DOCK1: variants seen among roughly 807,000 people sequenced by gnomAD.
DOCK1 encodes the protein dedicator of cytokinesis protein 1.
DOCK1 carries 138 observed loss-of-function variants against 262.7 expected under a neutral mutation model. That is an observed-to-expected ratio of 0.53 (90% CI 0.46 to 0.61). The LOEUF is 0.61. DOCK1 is among the 20% of genes least tolerant of loss of function. The pLI is 0.00. For missense variants in DOCK1, 1,908 were observed against 2,370.7 expected (o/e 0.80, Z 4.05); for synonymous variants, 866 against 867.4 (o/e 1.00, Z 0.03).
At chr10:127,398,822 C>T (rs1437787315) in intron 38 of DOCK1, among the ~76,000 whole-genome samples, 1 of 152,188 alleles carries the variant, frequency 6.6e-6, no homozygotes, top group Non-Finnish European at 1.5e-5. Context: ...TCTTTCCTTT[C>T]ATCTGCTGCT....
At chr10:126,957,045 A>G (rs962740790) in intron 1 of DOCK1, among the ~76,000 whole-genome samples, 1 of 152,102 alleles carries the variant, frequency 6.6e-6, no homozygotes, top group East Asian at 1.9e-4. Context: ...CCGACGGGGG[A>G]AAGCGGGGAA....
intron 50 of DOCK1, 142 bp downstream of exon 50, chr10:127,444,421 T>G: frequency 8.8e-7 from 1 of 1,142,328 alleles, no homozygotes; most frequent in Non-Finnish European, 1.2e-6. Context: ...TCCCTGGGAG[T>G]GTCCCCTGGG....
intron 30 of DOCK1, among the ~76,000 whole-genome samples, chr10:127,341,624 T>C (rs1165860286): frequency 1.3e-5 from 2 of 152,196 alleles, no homozygotes; most frequent in African/African-American, 4.8e-5. Flanking sequence ...GCTGGGTAGA[T>C]TCCCGTGTGT....
chr10:127,244,175 A>G (rs1053531750), intron 27 of DOCK1, among the ~76,000 whole-genome samples: 3 of 151,910 alleles, frequency 2.0e-5, no homozygotes, highest in African/African-American at 4.8e-5. Flanking sequence ...TTTTTCTAGT[A>G]TATGTATCTC....
chr10:126,932,174 T>A (rs1197902119), intron 1 of DOCK1, among the ~76,000 whole-genome samples: 1 of 152,198 alleles, frequency 6.6e-6, no homozygotes, highest in Non-Finnish European at 1.5e-5. Context: ...AGGAACCTCC[T>A]GCAGGCTAAA....
intron 32 of DOCK1, among the ~76,000 whole-genome samples, chr10:127,358,783 GA>G (rs2064268490): frequency 6.6e-6 from 1 of 152,144 alleles, no homozygotes; most frequent in Non-Finnish European, 1.5e-5. Flanking sequence ...ATTTTTCTGG[GA>G]TAAGTCTATG....
rs190104158 is a variant in DOCK1, at chr10:127,444,209, G to A, written c.5343G>A (p.Ser1781=). ...GSERRFSVSP[S]SPSSQQTPPP... ...AAAGGCGCTTCTCGGTGTCCCCCTC[G>A]TCACCGTCCTCCCAGCAAACACCCC... The change falls in exon 50 of 52, where the codon TCG becomes TCA. Residue 1781 remains serine (S), a synonymous_variant. Coordinates refer to ENST00000623213, the MANE Select transcript of DOCK1 (RefSeq NM_001290223.2). The A allele has an allele frequency of 1.7e-4, 273 of 1,610,376 alleles. No homozygotes were observed. In the African/African-American group the frequency reaches 2.5e-3, roughly 15 times the overall value.
intron 27 of DOCK1, among the ~76,000 whole-genome samples, chr10:127,172,095 T>C (rs1305573408): frequency 2.6e-5 from 4 of 152,194 alleles, no homozygotes; most frequent in African/African-American, 4.8e-5. Context: ...TTTCCTGTTT[T>C]CTTTTTTTGT....
At chr10:127,129,589 G>T (rs1447559082) in intron 27 of DOCK1, among the ~76,000 whole-genome samples, 1 of 152,176 alleles carries the variant, frequency 6.6e-6, no homozygotes, top group African/African-American at 2.4e-5. Flanking sequence ...CTGAGGTCTG[G>T]CGTTGACCCC....
intron 29 of DOCK1, among the ~76,000 whole-genome samples, chr10:127,310,010 G>C (rs569541723): frequency 6.6e-6 from 1 of 151,882 alleles, no homozygotes; most frequent in South Asian, 2.1e-4. Context: ...CAAGTAGCTG[G>C]GACTACAAGC....
chr10:127,202,683 G>A (rs1001621718), intron 27 of DOCK1, among the ~76,000 whole-genome samples: 2 of 152,184 alleles, frequency 1.3e-5, no homozygotes, highest in African/African-American at 4.8e-5. Flanking sequence ...GCTCCGCTTC[G>A]GTTGTGCGCC....
chr10:126,932,297 T>C lies in DOCK1; in HGVS notation c.46+26734T>C, dbSNP rs1223269196. 3.3e-5 allele frequency among the ~76,000 whole-genome samples: 5 copies of C among 152,330 alleles called. No homozygotes were observed. In the East Asian group the frequency reaches 9.7e-4, roughly 29 times the overall value. Reference sequence around the variant, plus strand: ...GTTGGCATGCGCCTAGTCTCAGCTATGCCGAAGGCTGAGGCAGGACGATTA... The same window carrying C: ...GTTGGCATGCGCCTAGTCTCAGCTACGCCGAAGGCTGAGGCAGGACGATTA... On this transcript the variant is annotated intron_variant, in intron 1 of 51. Coordinates refer to ENST00000623213, the MANE Select transcript of DOCK1 (RefSeq NM_001290223.2).
chr10:126,927,559 C>T (rs1338959275), intron 1 of DOCK1, among the ~76,000 whole-genome samples: 1 of 152,112 alleles, frequency 6.6e-6, no homozygotes, highest in African/African-American at 2.4e-5. Context: ...GCCTCAGCCT[C>T]CCGAGTAGCT....
intron 27 of DOCK1, among the ~76,000 whole-genome samples, chr10:127,140,875 C>T (rs1205370174): frequency 2.0e-5 from 3 of 152,198 alleles, no homozygotes; most frequent in Non-Finnish European, 4.4e-5. Context: ...CTGGGACTGC[C>T]CTGCACACAG....
In DOCK1 at chr10:127,121,455, A is replaced by ATGTGTGTGTGTG. The variant is rs59477974; in HGVS notation, c.2624-4009_2624-3998dup. Among the ~76,000 whole-genome samples the ATGTGTGTGTGTG allele has an allele frequency of 8.7e-3, 1,286 of 148,110 alleles. 13 individuals are homozygous for ATGTGTGTGTGTG. Among genetic ancestry groups the ATGTGTGTGTGTG allele is most frequent in the East Asian group, 0.034 (167 of 4,940 alleles). On this transcript the variant is annotated intron_variant, in intron 25 of 51. Transcript: ENST00000623213. ...ATAGGTCATTGTAGGGTATATGTAT[A>ATGTGTGTGTGTG]TGTGTGTGTGTGTGTGTGTGTCTAT...
chr10:127,018,899 C>T (rs1287753837), intron 13 of DOCK1, 64 bp downstream of exon 13: 19 of 1,595,846 alleles, frequency 1.2e-5, no homozygotes, highest in Admixed American at 3.5e-5. Flanking sequence ...CGGAGGATGA[C>T]GTGTGGGCAG....
intron 1 of DOCK1, among the ~76,000 whole-genome samples, chr10:126,931,264 C>T (rs1042334388): frequency 4.6e-5 from 7 of 152,020 alleles, no homozygotes; most frequent in African/African-American, 7.3e-5. Flanking sequence ...GAAGTCCAGA[C>T]GGGATACTTT....
At chr10:127,283,242 C>T (rs2061026158) in intron 29 of DOCK1, among the ~76,000 whole-genome samples, 1 of 152,206 alleles carries the variant, frequency 6.6e-6, no homozygotes, top group South Asian at 2.1e-4. Context: ...CTGCTGGGTT[C>T]CTTGTCTGCC....
intron 27 of DOCK1, among the ~76,000 whole-genome samples, chr10:127,140,638 A>AGGTCTCTGGGTTGAGTTTGACACACCG (rs2051143104): frequency 6.8e-6 from 1 of 147,056 alleles, no homozygotes; most frequent in Non-Finnish European, 1.5e-5. Context: ...TTGACACACC[A>AGGTCTCTGGGTTGAGTTTGACACACCG]AGTCTCTGGG....
Sources: gnomAD v4.1 joint callset for allele counts (sites outside exome capture counted in the v4.1 genomes callset) on GRCh38, gnomAD v4.1.1 for gene constraint, MANE v1.5 for transcripts, NCBI Gene and HGNC (gene_info 2026-07-23, HGNC 2026-07-21) for gene names.